Variants in PPM1H observed in about 807,000 individuals in gnomAD.
The protein encoded by PPM1H is protein phosphatase, Mg2+/Mn2+ dependent 1H.
In PPM1H, 27 loss-of-function variants were observed where a neutral mutation model predicts 54.9. The ratio of observed to expected loss-of-function variants is 0.49; its 90% CI spans 0.36 to 0.68. The LOEUF is 0.68. PPM1H is among the 30% of genes least tolerant of loss of function. The probability of loss-of-function intolerance (pLI) is 0.00; values close to 1 mark genes in which losing one functional copy is unlikely to be tolerated. For synonymous variants in PPM1H, 305 were observed against 270.8 expected (o/e 1.13, Z -1.24); for missense variants, 596 against 667.8 (o/e 0.89, Z 1.19).
chr12:62,818,999 T>C (rs116203752), intron 2 of PPM1H, among the ~76,000 whole-genome samples: 126 of 152,074 alleles, frequency 8.3e-4, no homozygotes, highest in African/African-American at 2.9e-3. Flanking sequence ...TTTTTGTGTT[T>C]CAGTAGAGAC....
At chr12:62,698,869 T>C (rs180823581) in intron 6 of PPM1H, among the ~76,000 whole-genome samples, 1 of 152,306 alleles carries the variant, frequency 6.6e-6, no homozygotes, top group Admixed American at 6.5e-5. Flanking sequence ...AGGACTCCAT[T>C]GCCCTTATTA....
chr12:62,682,373 G>A (rs970037120), intron 8 of PPM1H, among the ~76,000 whole-genome samples: 2 of 152,154 alleles, frequency 1.3e-5, no homozygotes, highest in Non-Finnish European at 2.9e-5. Context: ...AACAAAATAT[G>A]TTCTTTCTCC....
In PPM1H at chr12:62,838,886, A is replaced by C. The variant is rs1021226329; in HGVS notation, c.246-6607T>G. Among the ~76,000 whole-genome samples the C allele has an allele frequency of 3.7e-4, 30 of 81,890 alleles. 4 individuals carry two copies. The highest frequency in any genetic ancestry group is 1.8e-3 in the African/African-American group (28 of 15,290). The allele number at this position is 81,890 out of a possible 152,430, so 53.7% of individuals were successfully genotyped here. On this transcript the variant is annotated intron_variant, in intron 1 of 9. Coordinates refer to ENST00000228705, the MANE Select transcript of PPM1H (RefSeq NM_020700.2). Reference sequence around the variant, plus strand: ...CAGTGAGCCGAGATCGCGCCACTGCACTCCAGCCTGGGCGACAGAGCGAGA... The same window carrying C: ...CAGTGAGCCGAGATCGCGCCACTGCCCTCCAGCCTGGGCGACAGAGCGAGA...
intron 4 of PPM1H, among the ~76,000 whole-genome samples, chr12:62,786,541 T>G (rs999370998): frequency 3.3e-5 from 5 of 152,194 alleles, no homozygotes; most frequent in African/African-American, 1.2e-4. Flanking sequence ...TCCCATTCCT[T>G]CTAACAGCTC....
chr12:62,700,248 T>A (rs1452882939), intron 6 of PPM1H, among the ~76,000 whole-genome samples: 5 of 152,222 alleles, frequency 3.3e-5, no homozygotes, highest in Middle Eastern at 3.4e-3. Flanking sequence ...TCTTCTCTGT[T>A]CCCCATCATC....
rs571909324 is a variant in PPM1H at position 62,848,418 on chromosome 12, C to T, written c.246-16139G>A. On this transcript the variant is annotated intron_variant, in intron 1 of 9. Transcript: ENST00000228705. ...CTTAATAAAACACAATACTAAATGA[C>T]TACAAATGCAATCTAGGACACTTTC... 2.0e-5 allele frequency among the ~76,000 whole-genome samples: 3 copies of T among 152,324 alleles called. No individual in the cohort carries two copies. In the South Asian group the frequency reaches 6.2e-4, roughly 32 times the overall value.
At chr12:62,664,151 CT>C (rs1345371736) in intron 9 of PPM1H, among the ~76,000 whole-genome samples, 2 of 152,242 alleles carry the variant, frequency 1.3e-5, no homozygotes, top group East Asian at 3.9e-4. Flanking sequence ...AAATCAGGAT[CT>C]TGTGGCCAGA....
At chr12:62,649,814 T>C (rs1194898430) in intron 9 of PPM1H, among the ~76,000 whole-genome samples, 1 of 152,234 alleles carries the variant, frequency 6.6e-6, no homozygotes, top group Non-Finnish European at 1.5e-5. Context: ...ATCAATCTTG[T>C]GAGCTTGGTT....
intron 2 of PPM1H, among the ~76,000 whole-genome samples, chr12:62,813,918 A>G (rs1396298129): frequency 1.3e-5 from 2 of 152,214 alleles, no homozygotes; most frequent in Non-Finnish European, 2.9e-5. Flanking sequence ...AGCTGTTGTT[A>G]TTTTAAAACG....
intron 8 of PPM1H, among the ~76,000 whole-genome samples, chr12:62,667,584 G>T (rs1383450123): frequency 6.6e-6 from 1 of 152,158 alleles, no homozygotes; most frequent in African/African-American, 2.4e-5. Flanking sequence ...TGACATAGAA[G>T]AAATTAATTG....
At chr12:62,683,376 C>T (rs184966969) in intron 8 of PPM1H, among the ~76,000 whole-genome samples, 493 of 152,216 alleles carry the variant, frequency 3.2e-3, no homozygotes, top group Non-Finnish European at 5.0e-3. Flanking sequence ...TTCCTAACAA[C>T]TTGTCAACAT....
At chr12:62,875,918 T>G (rs562837412) in intron 1 of PPM1H, among the ~76,000 whole-genome samples, 153 of 152,334 alleles carry the variant, frequency 1.0e-3, no homozygotes, top group Middle Eastern at 3.4e-3. Flanking sequence ...ATATTGGGAT[T>G]GAACAACTTG....
At chr12:62,834,752 C>T (rs775669020) in intron 1 of PPM1H, among the ~76,000 whole-genome samples, 31 of 152,148 alleles carry the variant, frequency 2.0e-4, no homozygotes, top group Non-Finnish European at 3.7e-4. Context: ...AACATGCATT[C>T]GTCTGGAACG....
chr12:62,813,839 G>A (rs1007149513), intron 2 of PPM1H, among the ~76,000 whole-genome samples: 6 of 152,228 alleles, frequency 3.9e-5, no homozygotes, highest in Non-Finnish European at 7.3e-5. Context: ...TAGCAAGACA[G>A]TAAATGAGTT....
intron 5 of PPM1H, among the ~76,000 whole-genome samples, chr12:62,732,576 T>G (rs1467884473): frequency 1.5e-5 from 2 of 133,248 alleles, no homozygotes; most frequent in East Asian, 4.9e-4. Flanking sequence ...TTGTTTTCGG[T>G]TTTTTTTTTT....
chr12:62,839,826 C>T (rs894986946), intron 1 of PPM1H, among the ~76,000 whole-genome samples: 6 of 150,458 alleles, frequency 4.0e-5, no homozygotes, highest in African/African-American at 1.5e-4. Flanking sequence ...TCATTTGAGG[C>T]CAGGAGTTTG....
At position 62,771,148 on chromosome 12, in the gene PPM1H, ACTT is replaced by A. The variant is rs542748175; in HGVS notation, c.869+17075_869+17077del. ...TTTTTAAAGGCTTTGTTGAAAAAGG[ACTT>A]CTTCTGTGTTACTTAGAGACAACCA... On this transcript the variant is annotated intron_variant, in intron 4 of 9. Coordinates refer to ENST00000228705, the MANE Select transcript of PPM1H (RefSeq NM_020700.2). Among the ~76,000 whole-genome samples the A allele has an allele frequency of 2.6e-3, 385 of 149,084 alleles. 3 individuals are homozygous for A. Among genetic ancestry groups the A allele is most frequent in the African/African-American group, 9.1e-3 (367 of 40,388 alleles).
intron 1 of PPM1H, among the ~76,000 whole-genome samples, chr12:62,889,416 A>C (rs1222391812): frequency 6.6e-6 from 1 of 152,132 alleles, no homozygotes. Context: ...CTAACTACTC[A>C]CAAGGCTGAG....
chr12:62,817,480 AAAC>A (rs1255149319), intron 2 of PPM1H, among the ~76,000 whole-genome samples: 5 of 151,244 alleles, frequency 3.3e-5, no homozygotes, highest in East Asian at 1.9e-4. Flanking sequence ...ACAAACAAAC[AAAC>A]AAAAAAAAAA....
Sources: gnomAD v4.1 joint callset for allele counts (sites outside exome capture counted in the v4.1 genomes callset) on GRCh38, gnomAD v4.1.1 for gene constraint, MANE v1.5 for transcripts, NCBI Gene and HGNC (gene_info 2026-07-23, HGNC 2026-07-21) for gene names.